Variants in ROBO1 observed in about 807,000 individuals in gnomAD.
The protein encoded by ROBO1 is roundabout homolog 1.
A neutral mutation model predicts 195.9 loss-of-function variants in ROBO1; 149 were observed. The ratio of observed to expected loss-of-function variants is 0.76; its 90% confidence interval spans 0.67 to 0.87. The LOEUF (loss-of-function observed/expected upper bound fraction) is 0.87, where lower values mean the gene tolerates loss of function less well. ROBO1 is among the 40% of genes least tolerant of loss of function. The pLI is 0.00. For synonymous variants in ROBO1, 816 were observed against 733.2 expected (o/e 1.11, Z -1.82); for missense variants, 1,933 against 2,068.3 (o/e 0.93, Z 1.27).
At chr3:79,714,382 C>T (rs1427700802) in intron 1 of ROBO1, among the ~76,000 whole-genome samples, 2 of 152,116 alleles carry the variant, frequency 1.3e-5, no homozygotes, top group Non-Finnish European at 2.9e-5. Flanking sequence ...GAAATAGGAA[C>T]ACTTTTACAC....
At chr3:79,052,407 G>C (rs1442715737) in intron 3 of ROBO1, among the ~76,000 whole-genome samples, 6 of 152,024 alleles carry the variant, frequency 3.9e-5, no homozygotes, top group Non-Finnish European at 5.9e-5. Context: ...TGCTCAGCAG[G>C]ACATGGACCT....
At chr3:79,071,382 G>A (rs2079086037) in intron 3 of ROBO1, among the ~76,000 whole-genome samples, 1 of 151,350 alleles carries the variant, frequency 6.6e-6, no homozygotes, top group Non-Finnish European at 1.5e-5. Context: ...TAGGTTTTAT[G>A]TATATTTTTG....
chr3:79,261,826 A>C (rs2082943041), intron 2 of ROBO1, among the ~76,000 whole-genome samples: 1 of 152,134 alleles, frequency 6.6e-6, no homozygotes, highest in Non-Finnish European at 1.5e-5. Context: ...TACTGGATAA[A>C]GAAATATACT....
In ROBO1 at chr3:78,996,340, CA is replaced by C. The variant is rs5850409; in HGVS notation, c.173-57414del. Among the ~76,000 whole-genome samples, 80 of 148,314 alleles carry C rather than the reference CA, an allele frequency of 5.4e-4. 1 individual carries two copies. The highest frequency in any genetic ancestry group is 1.8e-3 in the African/African-American group (74 of 40,506). Reference sequence around the variant, plus strand: ...CTATTAAAAAAACAAAAAAAAAAAACAAAAAAAAAAAACTCCCACTTTATCT... The same window carrying C: ...CTATTAAAAAAACAAAAAAAAAAAACAAAAAAAAAAACTCCCACTTTATCT... On this transcript the variant is annotated intron_variant, in intron 3 of 30. Transcript: ENST00000464233.
intron 1 of ROBO1, among the ~76,000 whole-genome samples, chr3:79,653,625 A>C (rs537287644): frequency 3.3e-5 from 5 of 152,102 alleles, no homozygotes; most frequent in Non-Finnish European, 7.4e-5. Flanking sequence ...AAATGAATAG[A>C]TCAGTGTCTT....
At chr3:79,581,697 A>G (rs1216113658) in intron 2 of ROBO1, among the ~76,000 whole-genome samples, 2 of 152,084 alleles carry the variant, frequency 1.3e-5, no homozygotes, top group Admixed American at 6.6e-5. Context: ...AGAATTTCCA[A>G]TCATTTGTAA....
At chr3:78,706,349 C>T (rs1427881745) in intron 8 of ROBO1, among the ~76,000 whole-genome samples, 1 of 151,960 alleles carries the variant, frequency 6.6e-6, no homozygotes, top group Non-Finnish European at 1.5e-5. Context: ...GCATATTATA[C>T]TAAAGTGAGT....
chr3:78,960,779 AACACACACACACACACACACACACACAC>A (rs751349324), intron 3 of ROBO1, among the ~76,000 whole-genome samples: 1 of 124,514 alleles, frequency 8.0e-6, no homozygotes, highest in South Asian at 3.0e-4. Flanking sequence ...TCCGTATTAA[AACACACACACACACACACACACACACAC>A]ACACACACAC....
chr3:78,991,886 A>G (rs975151755), intron 3 of ROBO1, among the ~76,000 whole-genome samples: 14 of 152,170 alleles, frequency 9.2e-5, no homozygotes, highest in African/African-American at 3.1e-4. Flanking sequence ...GAAATTATGG[A>G]AAAAAATACT....
intron 1 of ROBO1, among the ~76,000 whole-genome samples, chr3:79,721,330 T>A (rs1322158783): frequency 7.2e-6 from 1 of 138,038 alleles, no homozygotes; most frequent in Non-Finnish European, 1.6e-5. Context: ...TGATATAAAC[T>A]TTGATGGAAA....
At chr3:79,372,824 A>G in intron 2 of ROBO1, among the ~76,000 whole-genome samples, 1 of 152,246 alleles carries the variant, frequency 6.6e-6, no homozygotes, top group Non-Finnish European at 1.5e-5. Context: ...CATGTAAAAC[A>G]TAGTCTATAG....
At chr3:79,277,892 T>A (rs75257300) in intron 2 of ROBO1, among the ~76,000 whole-genome samples, 8,605 of 151,930 alleles carry the variant, frequency 0.057, 346 homozygotes, top group African/African-American at 0.11. Context: ...TTATCCCTGT[T>A]TGCAAATGAC....
At chr3:79,385,797 G>A (rs1358928875) in intron 2 of ROBO1, among the ~76,000 whole-genome samples, 4 of 152,150 alleles carry the variant, frequency 2.6e-5, no homozygotes, top group South Asian at 2.1e-4. Context: ...ACATACCTGG[G>A]AAGAAACAGA....
chr3:78,693,006 T>A, intron 8 of ROBO1: 1 of 201,130 alleles, frequency 5.0e-6, no homozygotes, highest in Non-Finnish European at 1.0e-5. Flanking sequence ...TCTCTGCATG[T>A]ATTTTTGTTT....
intron 2 of ROBO1, among the ~76,000 whole-genome samples, chr3:79,504,559 GA>G (rs1444260814): frequency 2.6e-5 from 4 of 152,146 alleles, no homozygotes; most frequent in African/African-American, 9.7e-5. Flanking sequence ...ATTTTCCAAT[GA>G]AGAGTTTAAG....
At chr3:78,869,287 C>T (rs2035392351) in intron 4 of ROBO1, among the ~76,000 whole-genome samples, 2 of 152,050 alleles carry the variant, frequency 1.3e-5, no homozygotes, top group African/African-American at 4.8e-5. Context: ...GGGTTGACTC[C>T]ATTTAAACCA....
intron 2 of ROBO1, among the ~76,000 whole-genome samples, chr3:79,209,956 AACAAAT>A (rs1398095667): frequency 6.6e-6 from 1 of 152,136 alleles, no homozygotes; most frequent in African/African-American, 2.4e-5. Flanking sequence ...GCAAAACAAA[AACAAAT>A]ACAAACAAAC....
intron 8 of ROBO1, among the ~76,000 whole-genome samples, chr3:78,713,055 TA>T (rs2081803817): frequency 6.6e-6 from 1 of 152,202 alleles, no homozygotes; most frequent in African/African-American, 2.4e-5. Flanking sequence ...ACACCTCTTA[TA>T]TTTATGCTTT....
At chr3:79,388,751 T>C (rs941275211) in intron 2 of ROBO1, among the ~76,000 whole-genome samples, 1 of 152,100 alleles carries the variant, frequency 6.6e-6, no homozygotes, top group African/African-American at 2.4e-5. Context: ...AGAGAAACTA[T>C]ATTGTGTGGA....
Sources: allele counts gnomAD v4.1 joint callset (sites outside exome capture counted in the v4.1 genomes callset), GRCh38; gene constraint gnomAD v4.1.1; transcripts MANE v1.5; gene names NCBI Gene and HGNC (gene_info 2026-07-23, HGNC 2026-07-21).